Variants in DRC11 observed in about 807,000 individuals in gnomAD.
DRC11 encodes the protein dynein regulatory complex subunit 11, also known as IQ and AAA domain-containing protein 1.
At chr2:236,434,189 T>C in the DRC11 span, among the ~76,000 whole-genome samples, 1 of 152,236 alleles carries the variant, frequency 6.6e-6, no homozygotes, top group Non-Finnish European at 1.5e-5. The surrounding 1 kb of genome is among the most constrained non-coding windows in gnomAD (Gnocchi z 5.5). Flanking sequence ...TTAATACTCA[T>C]AAGGGAGACT....
the DRC11 span, chr2:236,486,770 G>A: frequency 9.0e-7 from 1 of 1,107,434 alleles, no homozygotes; most frequent in Non-Finnish European, 1.3e-6. The surrounding 1 kb of genome is among the most constrained non-coding windows in gnomAD (Gnocchi z 5.7). Context: ...AGAAGACACA[G>A]TCTCACATAT....
At chr2:236,421,080 T>C in the DRC11 span, among the ~76,000 whole-genome samples, 1 of 152,202 alleles carries the variant, frequency 6.6e-6, no homozygotes, top group African/African-American at 2.4e-5. Flanking sequence ...CATTTTGTTA[T>C]GTACCCAGTA....
the DRC11 span, among the ~76,000 whole-genome samples, chr2:236,445,017 G>A: frequency 1.4e-4 from 21 of 152,328 alleles, no homozygotes; most frequent in South Asian, 2.9e-3. The surrounding 1 kb of genome is among the most constrained non-coding windows in gnomAD (Gnocchi z 4.8). Flanking sequence ...GCCCAGCCTG[G>A]ACGGGGCTTA....
the DRC11 span, among the ~76,000 whole-genome samples, chr2:236,325,986 TC>T: frequency 6.6e-6 from 1 of 152,246 alleles, no homozygotes; most frequent in Admixed American, 6.5e-5. The surrounding 1 kb of genome is among the most constrained non-coding windows in gnomAD (Gnocchi z 4.4). Flanking sequence ...TAGTTGTTTT[TC>T]CTTAGTACTT....
the DRC11 span, among the ~76,000 whole-genome samples, chr2:236,488,409 CCT>C: frequency 6.6e-6 from 1 of 152,098 alleles, no homozygotes; most frequent in Non-Finnish European, 1.5e-5. Flanking sequence ...TTAAGGGCCC[CCT>C]GACTTTCCTT....
chr2:236,497,518 A>G, the DRC11 span: 1 of 1,492,568 alleles, frequency 6.7e-7, no homozygotes, highest in South Asian at 1.3e-5. The surrounding 1 kb of genome is among the most constrained non-coding windows in gnomAD (Gnocchi z 5.1). Context: ...TAGATGATAC[A>G]GTAAATAAAA....
the DRC11 span, among the ~76,000 whole-genome samples, chr2:236,384,685 T>C: frequency 1.3e-5 from 2 of 151,236 alleles, no homozygotes; most frequent in African/African-American, 4.9e-5. Flanking sequence ...TTTGTCAATT[T>C]TGGCTTTTGT....
At chr2:236,473,258 C>A in the DRC11 span, among the ~76,000 whole-genome samples, 5 of 152,124 alleles carry the variant, frequency 3.3e-5, no homozygotes, top group Non-Finnish European at 7.4e-5. The surrounding 1 kb of genome is among the most constrained non-coding windows in gnomAD (Gnocchi z 4.8). Context: ...CAAAGAGGAA[C>A]CCCATGTTCT....
At chr2:236,409,989 T>C in the DRC11 span, among the ~76,000 whole-genome samples, 1 of 152,202 alleles carries the variant, frequency 6.6e-6, no homozygotes, top group Non-Finnish European at 1.5e-5. Context: ...AGCTTTTTGA[T>C]GTGCTGCTGG....
chr2:236,452,278 C>CAG, the DRC11 span, among the ~76,000 whole-genome samples: 1 of 152,186 alleles, frequency 6.6e-6, no homozygotes, highest in Non-Finnish European at 1.5e-5. This position sits in a 1 kb window ranked among gnomAD's most constrained non-coding sequence, Gnocchi z 4.7. Context: ...ATTTAGAAAG[C>CAG]AGAGCTACTA....
At chr2:236,357,898 AATAT>A in the DRC11 span, among the ~76,000 whole-genome samples, 1 of 123,572 alleles carries the variant, frequency 8.1e-6, no homozygotes. Flanking sequence ...ATGTATTTAT[AATAT>A]ATAAATATAC....
chr2:236,361,409 A>G, the DRC11 span, among the ~76,000 whole-genome samples: 5 of 152,232 alleles, frequency 3.3e-5, no homozygotes, highest in Non-Finnish European at 1.5e-5. This position sits in a 1 kb window ranked among gnomAD's most constrained non-coding sequence, Gnocchi z 5.7. Context: ...ATGGAGATGT[A>G]TAAAAGAGTA....
At chr2:236,324,863 G>T in the DRC11 span, 1 of 1,067,236 alleles carries the variant, frequency 9.4e-7, no homozygotes. This position sits in a 1 kb window ranked among gnomAD's most constrained non-coding sequence, Gnocchi z 5.7. Context: ...AGAAAAGCCT[G>T]CTAAGCAGGA....
the DRC11 span, among the ~76,000 whole-genome samples, chr2:236,373,134 T>A: frequency 5.3e-5 from 8 of 152,128 alleles, no homozygotes; most frequent in Non-Finnish European, 8.8e-5. Context: ...TATAATTTAT[T>A]TTTTTCTAAA....
chr2:236,489,316 T>G, the DRC11 span, among the ~76,000 whole-genome samples: 1 of 135,626 alleles, frequency 7.4e-6, no homozygotes, highest in African/African-American at 2.9e-5. Context: ...GGGGCCTGTG[T>G]GGGCTCTGGG....
the DRC11 span, among the ~76,000 whole-genome samples, chr2:236,353,284 G>T: frequency 6.6e-6 from 1 of 152,124 alleles, no homozygotes; most frequent in Admixed American, 6.5e-5. The surrounding 1 kb of genome is among the most constrained non-coding windows in gnomAD (Gnocchi z 5.0). Context: ...GGTTTTTGTT[G>T]TGTGTCAATT....
chr2:236,459,636 CGTATATACGTATATAT>C, the DRC11 span, among the ~76,000 whole-genome samples: 6 of 132,938 alleles, frequency 4.5e-5, no homozygotes, highest in East Asian at 4.0e-4. Context: ...TACGTATATA[CGTATATACGTATATAT>C]GTATATACAT....
At chr2:236,352,460 C>T in the DRC11 span, among the ~76,000 whole-genome samples, 1 of 152,100 alleles carries the variant, frequency 6.6e-6, no homozygotes, top group African/African-American at 2.4e-5. This position sits in a 1 kb window ranked among gnomAD's most constrained non-coding sequence, Gnocchi z 7.0. Context: ...GCACCACAGA[C>T]ACTGGGGGAT....
chr2:236,356,760 C>T, the DRC11 span, among the ~76,000 whole-genome samples: 1 of 151,806 alleles, frequency 6.6e-6, no homozygotes, highest in Non-Finnish European at 1.5e-5. Context: ...ATTATACAGA[C>T]TCAAGGAGAC....
Sources: allele counts gnomAD v4.1 joint callset (sites outside exome capture counted in the v4.1 genomes callset), GRCh38; gene constraint gnomAD v4.1.1; non-coding constraint Gnocchi (gnomAD v3.1); transcripts MANE v1.5; gene names NCBI Gene and HGNC (gene_info 2026-07-23, HGNC 2026-07-21).